The following POLR3H variants were observed in gnomAD, a reference collection of about 807,000 sequenced individuals.
POLR3H encodes the protein DNA-directed RNA polymerase III subunit RPC8.
Under a neutral mutation model 25.5 loss-of-function variants are expected in POLR3H, and 17 were observed. The ratio of observed to expected loss-of-function variants is 0.67; its 90% CI spans 0.46 to 1.00. The LOEUF is 1.00. POLR3H is among the 50% of genes least tolerant of loss of function. The pLI is 0.00. For missense variants in POLR3H, 274 were observed against 265.0 expected (o/e 1.03, Z -0.24); for synonymous variants, 129 against 103.0 (o/e 1.25, Z -1.53).
intron 4 of POLR3H, among the ~76,000 whole-genome samples, chr22:41,531,296 G>A (rs2066728394): frequency 6.6e-6 from 1 of 152,232 alleles, no homozygotes; most frequent in Non-Finnish European, 1.5e-5. Context: ...CCGTTTTCAA[G>A]AGGACATAGT....
chr22:41,544,410 GCCGCTCGTATCA>G lies in POLR3H; in HGVS notation c.-321_-310del, dbSNP rs1345846150. On this transcript the variant is annotated 5_prime_UTR_variant, in exon 1 of 6. Transcript: ENST00000355209. ...ACGCCCCGCACCCGCGCCACGTGCC[GCCGCTCGTATCA>G]CGCACCACGCACCACGCACCGCGCA... The G allele has an allele frequency of 7.6e-5, 20 of 263,100 alleles. No homozygotes were observed. The East Asian group carries it at 1.5e-3, about 20-fold the overall frequency. 16.3% of individuals were successfully genotyped at this position (263,100 alleles called of 1,614,324 possible).
chr22:41,543,398 CG>C (rs1054369141), intron 1 of POLR3H, among the ~76,000 whole-genome samples: 1 of 151,962 alleles, frequency 6.6e-6, no homozygotes, highest in African/African-American at 2.4e-5. Context: ...GAGGCCGAGG[CG>C]GGGGGATCAA....
Position 41,529,281 on chromosome 22 carries a change from G to T in POLR3H, c.*2C>A. On this transcript the variant is annotated 3_prime_UTR_variant, in exon 6 of 6. Transcript: ENST00000355209. ...GGTAGGGTCCACTGTCCAGCCCCAG[G>T]GCTAGTTGCTGGTCCACCAGGAGAG... 1 of 1,613,088 alleles carries T rather than the reference G, an allele frequency of 6.2e-7. No individual in the cohort carries two copies. The highest frequency in any genetic ancestry group is 2.2e-5 in the East Asian group (1 of 44,894).
At position 41,528,208 on chromosome 22, in the gene POLR3H, G is replaced by T; in HGVS notation, c.*1075C>A. On this transcript the variant is annotated 3_prime_UTR_variant, in exon 6 of 6. Coordinates refer to ENST00000355209, the MANE Select transcript of POLR3H (RefSeq NM_001018050.4). The stretch of plus-strand genomic sequence containing the variant: ...CAGAGTTGGGGGTTGGAGTCAACCC[G>T]GGGCCCTCACACCTCCCCAACCTCC... 1 of 964,490 alleles carries T rather than the reference G, an allele frequency of 1.0e-6. No individual in the cohort carries two copies. The highest frequency in any genetic ancestry group is 1.5e-6 in the Non-Finnish European group (1 of 664,834). 59.7% of individuals were successfully genotyped at this position (964,490 alleles called of 1,614,324 possible). A position where few individuals can be genotyped will look rare whatever the true frequency, so the allele number is the denominator to read the frequency against.
chr22:41,527,736 G>A lies in POLR3H; in HGVS notation c.*1547C>T. 1 of 1,174,436 alleles carries A rather than the reference G, an allele frequency of 8.5e-7. No homozygotes were observed. Among genetic ancestry groups the A allele is most frequent in the South Asian group, 1.5e-5 (1 of 66,098 alleles). 72.8% of individuals were successfully genotyped at this position (1,174,436 alleles called of 1,614,324 possible). ...TCAGCACCAGCGCACACTTGCTAGG[G>A]GCACCCCTAGTGAAAGGGAGCAGAC... is the stretch of plus-strand genomic sequence containing the variant. On this transcript the variant is annotated 3_prime_UTR_variant, in exon 6 of 6. Coordinates refer to ENST00000355209, the MANE Select transcript of POLR3H (RefSeq NM_001018050.4).
chr22:41,544,069 G>A lies in POLR3H; in HGVS notation c.33C>T (p.Val11=). MFVLVEMVDT[V]RIPPWQFERK... ...TCTCAAACTGCCAAGGGGGGATCCG[G>A]ACGGTGTCCACCATTTCCACCAGGA... Residue 11 remains valine (V), a synonymous_variant, in exon 1 of 6, where the codon GTC becomes GTT. Coordinates refer to ENST00000355209, the MANE Select transcript of POLR3H (RefSeq NM_001018050.4). 6.2e-7 allele frequency: 1 copy of A among 1,613,750 alleles called. No individual in the cohort carries two copies. The highest frequency in any genetic ancestry group is 8.5e-7 in the Non-Finnish European group (1 of 1,179,678).
At chr22:41,533,775 C>A in intron 2 of POLR3H, 1 of 1,184,248 alleles carries the variant, frequency 8.4e-7, no homozygotes, top group African/African-American at 1.6e-5. Flanking sequence ...TGAGGGCGGC[C>A]AAGGGCCACT....
intron 1 of POLR3H, among the ~76,000 whole-genome samples, chr22:41,541,469 T>G (rs1409333177): frequency 6.6e-6 from 1 of 152,116 alleles, no homozygotes; most frequent in Non-Finnish European, 1.5e-5. Flanking sequence ...CTACTCAGTG[T>G]CTCCTTATCT....
At chr22:41,537,552 G>A (rs2066868428) in intron 2 of POLR3H, among the ~76,000 whole-genome samples, 1 of 152,198 alleles carries the variant, frequency 6.6e-6, no homozygotes, top group Non-Finnish European at 1.5e-5. Context: ...CACCCTGCAT[G>A]GTGCTCAACA....
At position 41,544,392 on chromosome 22, in the gene POLR3H, G is replaced by A; in HGVS notation, c.-291C>T. The stretch of plus-strand genomic sequence containing the variant: ...TCCACGCCACGCCACTCCACGCCCC[G>A]CACCCGCGCCACGTGCCGCCGCTCG... On this transcript the variant is annotated 5_prime_UTR_variant, in exon 1 of 6. Transcript: ENST00000355209. 3.6e-6 allele frequency: 1 copy of A among 279,040 alleles called. No homozygotes were observed. Among genetic ancestry groups the A allele is most frequent in the Non-Finnish European group, 6.5e-6 (1 of 153,316 alleles). 17.3% of individuals were successfully genotyped at this position (279,040 alleles called of 1,614,324 possible).
In POLR3H at chr22:41,540,775, G is replaced by C. The variant is rs1342456101; in HGVS notation, c.132C>G (p.Leu44=). Residue 44 remains leucine, a synonymous_variant, in exon 2 of 6, where the codon CTC becomes CTG. Coordinates refer to ENST00000355209, the MANE Select transcript of POLR3H (RefSeq NM_001018050.4). ...LANKVVYNVG[L]CICLFDITKL... ...TGGTGATATCAAACAGACAAATGCA[G>C]AGTCCCACGTTGTACACGACCTGCA... 6.2e-7 allele frequency: 1 copy of C among 1,613,960 alleles called. No individual in the cohort carries two copies. The highest frequency in any genetic ancestry group is 2.2e-5 in the East Asian group (1 of 44,900).
Position 41,528,514 on chromosome 22 carries a change from C to G in POLR3H, c.*769G>C, listed in dbSNP as rs776176904. 6.2e-7 allele frequency: 1 copy of G among 1,612,724 alleles called. No homozygotes were observed. The highest frequency in any genetic ancestry group is 2.2e-5 in the East Asian group (1 of 44,870). The stretch of plus-strand genomic sequence containing the variant: ...GCATCATCAAGCACCCCAACGGGAC[C>G]CAGGAGACCATCCTCCTGAACCACA... On this transcript the variant is annotated 3_prime_UTR_variant, in exon 6 of 6. Coordinates refer to ENST00000355209, the MANE Select transcript of POLR3H (RefSeq NM_001018050.4).
chr22:41,542,628 C>G (rs1376715479), intron 1 of POLR3H, among the ~76,000 whole-genome samples: 1 of 152,186 alleles, frequency 6.6e-6, no homozygotes, highest in Non-Finnish European at 1.5e-5. Context: ...TGTCACCAAA[C>G]ACTCAACTGT....
Position 41,528,633 on chromosome 22 carries a change from C to T in POLR3H, c.*650G>A, listed in dbSNP as rs767857092. 1.1e-5 allele frequency: 17 copies of T among 1,583,320 alleles called. No individual in the cohort carries two copies. The highest frequency in any genetic ancestry group is 3.5e-5 in the South Asian group (3 of 86,200). On this transcript the variant is annotated 3_prime_UTR_variant, in exon 6 of 6. Transcript: ENST00000355209. ...CAGTGAGGGCAGTGCCTCCCCGCCC[C>T]GCCGCTGGCGTCAAGTTCAGCTCCA...
Position 41,530,790 on chromosome 22 carries a change from AC to A in POLR3H, c.457del (p.Val153TrpfsTer91), listed in dbSNP as rs777759808. On this transcript the variant is annotated frameshift_variant, in exon 5 of 6. Transcript: ENST00000355209. LOFTEE classifies it high-confidence loss of function. ...DTGEEIRFRV[V>X]DESFVDTSPT... is the part of the protein sequence containing the mutation. ...GGACGTGTCAACAAAGCTCTCGTCC[AC>A]CACCCGGAAGCGGATCTCCTCGCCG... The A allele has an allele frequency of 6.2e-7, 1 of 1,614,054 alleles. No homozygotes were observed.
Position 41,544,060 on chromosome 22 carries a change from G to T in POLR3H, c.42C>A (p.Pro14=). The change falls in exon 1 of 6, where the codon CCC becomes CCA. Residue 14 remains proline, a synonymous_variant. Transcript: ENST00000355209. ...LVEMVDTVRI[P]PWQFERKLND... is the part of the protein sequence containing the mutation. ...TGAGCTTCCTCTCAAACTGCCAAGG[G>T]GGGATCCGGACGGTGTCCACCATTT... 1.2e-6 allele frequency: 2 copies of T among 1,613,868 alleles called. No individual in the cohort carries two copies. Among genetic ancestry groups the T allele is most frequent in the Non-Finnish European group, 1.7e-6 (2 of 1,179,778 alleles).
intron 1 of POLR3H, 84 bp from the exon 2 acceptor site, chr22:41,540,879 C>T: frequency 1.5e-5 from 15 of 992,192 alleles, no homozygotes; most frequent in South Asian, 2.8e-5. Context: ...CTGAGCCCCT[C>T]ACAACCACAA....
At position 41,528,807 on chromosome 22, in the gene POLR3H, T is replaced by A; in HGVS notation, c.*476A>T. ...TTAAAATAACTTTTTAGCCCCCGTCTTCCTATTTTGAGTTTGGTTCAGATC... is the reference window on the plus strand; with the variant it reads ...TTAAAATAACTTTTTAGCCCCCGTCATCCTATTTTGAGTTTGGTTCAGATC... On this transcript the variant is annotated 3_prime_UTR_variant, in exon 6 of 6. Transcript: ENST00000355209. The A allele has an allele frequency of 1.4e-6, 1 of 730,860 alleles. No individual in the cohort carries two copies. The highest frequency in any genetic ancestry group is 2.1e-6 in the Non-Finnish European group (1 of 465,204). The allele number at this position is 730,860 out of a possible 1,614,324, so 45.3% of individuals were successfully genotyped here. A position where few individuals can be genotyped will look rare whatever the true frequency, so the allele number is the denominator to read the frequency against.
rs1435647399 is a variant in POLR3H, at chr22:41,526,762, AGG to A, written c.*2519_*2520del. 23 of 364,044 alleles carry A rather than the reference AGG, an allele frequency of 6.3e-5. No homozygotes were observed. In the South Asian group the frequency reaches 1.1e-3, roughly 18 times the overall value. The allele number at this position is 364,044 out of a possible 1,614,324, so 22.6% of individuals were successfully genotyped here. A position where few individuals can be genotyped will look rare whatever the true frequency, so the allele number is the denominator to read the frequency against. ...GAAGTCAGAGGCCAAAAGCTCAGAGAGGGGGCTACACGGGGCCTCACAGTGAG... is the reference window on the plus strand; with the variant it reads ...GAAGTCAGAGGCCAAAAGCTCAGAGAGGGCTACACGGGGCCTCACAGTGAG... On this transcript the variant is annotated 3_prime_UTR_variant, in exon 6 of 6. Coordinates refer to ENST00000355209, the MANE Select transcript of POLR3H (RefSeq NM_001018050.4).
Sources: allele counts gnomAD v4.1 joint callset (sites outside exome capture counted in the v4.1 genomes callset), GRCh38; gene constraint gnomAD v4.1.1; transcripts MANE v1.5; gene names NCBI Gene and HGNC (gene_info 2026-07-23, HGNC 2026-07-21).